GSG1L: variants seen among roughly 807,000 people sequenced by gnomAD.
GSG1L encodes the protein GSG1 like, also known as germ cell-specific gene 1-like protein.
GSG1L carries 24 observed loss-of-function variants against 42.1 expected under a neutral mutation model. The observed-to-expected ratio is 0.57, with a 90% CI of 0.41 to 0.80. The LOEUF (loss-of-function observed/expected upper bound fraction) is 0.80, where lower values mean the gene tolerates loss of function less well. GSG1L is among the 30% of genes least tolerant of loss of function. The pLI is 0.00. For synonymous variants in GSG1L, 215 were observed against 203.5 expected, an observed-to-expected ratio of 1.06 and a Z score of -0.48; for missense variants, 445 against 472.2, an observed-to-expected ratio of 0.94 and a Z score of 0.53.
At chr16:28,056,801 A>T (rs139028129) in intron 1 of GSG1L, among the ~76,000 whole-genome samples, 178 of 151,892 alleles carry the variant, frequency 1.2e-3, no homozygotes, top group African/African-American at 4.1e-3. Flanking sequence ...CAGCAGGGAG[A>T]TGGATGATAG....
intron 1 of GSG1L, among the ~76,000 whole-genome samples, chr16:28,036,922 C>T (rs961647245): frequency 3.9e-5 from 6 of 152,242 alleles, no homozygotes; most frequent in Non-Finnish European, 7.3e-5. Flanking sequence ...CCGGAAACTA[C>T]GTTTCCCACA....
Position 28,063,259 on chromosome 16 carries a change from C to A in GSG1L, c.166G>T (p.Gly56Cys). 1 of 1,318,398 alleles carries A rather than the reference C, an allele frequency of 7.6e-7. No homozygotes were observed. The highest frequency in any genetic ancestry group is 9.7e-7 in the Non-Finnish European group (1 of 1,030,110). The allele number at this position is 1,318,398 out of a possible 1,614,324, so 81.7% of individuals were successfully genotyped here. The change falls in exon 1 of 7, where the codon GGC (glycine) becomes TGC (cysteine). Residue 56 changes from glycine (G) to cysteine (C), a missense_variant. Coordinates refer to ENST00000447459, the MANE Select transcript of GSG1L (RefSeq NM_001109763.2). The surrounding 1 kb of genome is among the most constrained non-coding windows in gnomAD (Gnocchi z 5.8). ...QGGRANCPNS[G>C]ANATANGTAA... ...GTGCCGTTGGCCGTGGCGTTGGCGC[C>A]CGAGTTGGGGCAGTTGGCGCGCCCG...
chr16:27,869,669 C>G (rs2141009332), intron 3 of GSG1L, among the ~76,000 whole-genome samples: 1 of 133,130 alleles, frequency 7.5e-6, no homozygotes, highest in East Asian at 2.3e-4. Flanking sequence ...CCATCTCTCT[C>G]TCTCTCCTTC....
intron 1 of GSG1L, among the ~76,000 whole-genome samples, chr16:28,009,085 A>T (rs1319089166): frequency 6.6e-6 from 1 of 152,226 alleles, no homozygotes; most frequent in Non-Finnish European, 1.5e-5. Context: ...CTGGGATTAC[A>T]GGAGTAAGCC....
intron 5 of GSG1L, among the ~76,000 whole-genome samples, chr16:27,825,672 T>A (rs2083200676): frequency 6.6e-6 from 1 of 152,108 alleles, no homozygotes; most frequent in African/African-American, 2.4e-5. Flanking sequence ...CACCCAAATC[T>A]CATCTTGAAT....
rs147768823 is a variant in GSG1L, at chr16:27,953,842, G to A, written c.397+9314C>T. Among the ~76,000 whole-genome samples the A allele has an allele frequency of 4.2e-3, 634 of 152,210 alleles. 4 individuals carry two copies. Among genetic ancestry groups the A allele is most frequent in the African/African-American group, 0.013 (553 of 41,542 alleles). ...TGCAGTGAACAGAGATTGCACCACC[G>A]CACTCCAGCCTAGGTGACAGAGCAA... On this transcript the variant is annotated intron_variant, in intron 2 of 6. Coordinates refer to ENST00000447459, the MANE Select transcript of GSG1L (RefSeq NM_001109763.2).
Position 27,807,550 on chromosome 16 carries a change from C to G in GSG1L, c.835G>C (p.Glu279Gln). The G allele has an allele frequency of 6.2e-7, 1 of 1,611,608 alleles. No individual in the cohort carries two copies. Among genetic ancestry groups the G allele is most frequent in the Non-Finnish European group, 8.5e-7 (1 of 1,179,754 alleles). ...TCCTCCTCGCTCCCGTCCCTCTTCTCCATCCTGGAAAGAAAAAAAAACAAA... is the reference window on the plus strand; with the variant it reads ...TCCTCCTCGCTCCCGTCCCTCTTCTGCATCCTGGAAAGAAAAAAAAACAAA... Reference protein sequence around the residue: ...EAIKYFRERMEKRDGSEEDFH... With the variant: ...EAIKYFRERMQKRDGSEEDFH... Residue 279 changes from glutamate (E) to glutamine (Q), a missense_variant, in exon 6 of 7, where the codon GAG becomes CAG. By Grantham distance (29) the Glu-to-Gln change is conservative. This residue lies in a region of GSG1L where 140 missense variants were observed against 120.6 expected (regional missense o/e 1.16). Transcript: ENST00000447459.
chr16:27,819,963 A>G (rs2083134250), intron 5 of GSG1L, among the ~76,000 whole-genome samples: 1 of 152,144 alleles, frequency 6.6e-6, no homozygotes, highest in Non-Finnish European at 1.5e-5. Context: ...GGAGGCAGAG[A>G]AAAAGGAAGG....
intron 3 of GSG1L, among the ~76,000 whole-genome samples, chr16:27,865,523 C>CTA (rs1172385916): frequency 4.2e-3 from 244 of 58,020 alleles, no homozygotes; most frequent in Non-Finnish European, 5.9e-3. Flanking sequence ...CTCTCTCTTT[C>CTA]TATATATATA....
chr16:27,975,772 G>A (rs556453281), intron 1 of GSG1L, among the ~76,000 whole-genome samples: 4 of 152,286 alleles, frequency 2.6e-5, no homozygotes, highest in East Asian at 1.9e-4. Flanking sequence ...CAATGTCAAC[G>A]TTTTATATTC....
chr16:28,019,797 A>G (rs2085818751), intron 1 of GSG1L, among the ~76,000 whole-genome samples: 2 of 152,224 alleles, frequency 1.3e-5, no homozygotes, highest in Non-Finnish European at 2.9e-5. Flanking sequence ...CTTGCAGACA[A>G]TGACTTGCTG....
chr16:28,030,797 A>ATGGGATGGGATGGGATGGGATGGGT (rs2085951051), intron 1 of GSG1L, among the ~76,000 whole-genome samples: 1 of 130,444 alleles, frequency 7.7e-6, no homozygotes. Flanking sequence ...ATGGGATGGG[A>ATGGGATGGGATGGGATGGGATGGGT]TGAGATAAGT....
chr16:27,920,550 C>T (rs1380558515), intron 2 of GSG1L, among the ~76,000 whole-genome samples: 7 of 152,322 alleles, frequency 4.6e-5, no homozygotes, highest in Non-Finnish European at 7.3e-5. Flanking sequence ...GCTATCTGAT[C>T]TTGCAAAATA....
chr16:27,958,110 A>C (rs547435751), intron 2 of GSG1L, among the ~76,000 whole-genome samples: 1 of 152,134 alleles, frequency 6.6e-6, no homozygotes, highest in Non-Finnish European at 1.5e-5. Flanking sequence ...CATTCAAACT[A>C]TATCAGTCAC....
intron 1 of GSG1L, among the ~76,000 whole-genome samples, chr16:28,057,324 G>T (rs1380419239): frequency 6.6e-6 from 1 of 152,116 alleles, no homozygotes; most frequent in African/African-American, 2.4e-5. Flanking sequence ...CTGATTGACC[G>T]GCTGGCAGGT....
At chr16:27,956,385 C>A (rs934044177) in intron 2 of GSG1L, among the ~76,000 whole-genome samples, 11 of 152,234 alleles carry the variant, frequency 7.2e-5, no homozygotes, top group Non-Finnish European at 1.5e-4. Context: ...GAGTCTCACA[C>A]TCATGACCAG....
intron 6 of GSG1L, among the ~76,000 whole-genome samples, chr16:27,804,049 A>ACAGATAGATAGATAGAT (rs1491478215): frequency 1.0e-4 from 4 of 38,326 alleles, no homozygotes; most frequent in African/African-American, 4.1e-4. Flanking sequence ...ATAGATAGAT[A>ACAGATAGATAGATAGAT]GATAGATAGA....
chr16:27,987,216 CA>C lies in GSG1L; in HGVS notation c.350-24014del, dbSNP rs36025627. Among the ~76,000 whole-genome samples the C allele has an allele frequency of 9.6e-3, 1,266 of 131,980 alleles. 8 individuals are homozygous for C. The highest frequency in any genetic ancestry group is 0.028 in the African/African-American group (1,022 of 36,318). The allele number at this position is 131,980 out of a possible 152,430, so 86.6% of individuals were successfully genotyped here. On this transcript the variant is annotated intron_variant, in intron 1 of 6. Transcript: ENST00000447459. ...TGGGCGACAAGAGTGAACTCCGTCT[CA>C]AAAAAAAAAAAAAAAAGTTTTTAAA...
intron 5 of GSG1L, among the ~76,000 whole-genome samples, chr16:27,821,728 G>A (rs1001967067): frequency 4.6e-5 from 7 of 151,764 alleles, no homozygotes; most frequent in South Asian, 2.1e-4. Flanking sequence ...GTGAAACCCC[G>A]TCTCTACTAA....
Sources: gnomAD v4.1 joint callset for allele counts (sites outside exome capture counted in the v4.1 genomes callset) on GRCh38, gnomAD v4.1.1 for gene constraint, gnomAD v4.1.1 regional missense constraint, Gnocchi (gnomAD v3.1) non-coding constraint, MANE v1.5 for transcripts, NCBI Gene and HGNC (gene_info 2026-07-23, HGNC 2026-07-21) for gene names.